The following AGBL1 variants were observed in gnomAD, a reference collection of about 807,000 sequenced individuals.
The protein encoded by AGBL1 is AGBL carboxypeptidase 1.
A neutral mutation model predicts 118.9 loss-of-function variants in AGBL1; 130 were observed. The ratio of observed to expected loss-of-function variants is 1.09; its 90% confidence interval spans 0.95 to 1.26. The LOEUF (loss-of-function observed/expected upper bound fraction) is 1.26. AGBL1 is among the 50% of genes most tolerant of loss of function. The probability of loss-of-function intolerance (pLI) is 0.00; values close to 1 mark genes in which losing one functional copy is unlikely to be tolerated. For synonymous variants in AGBL1, 555 were observed against 478.9 expected, an observed-to-expected ratio of 1.16 and a Z score of -2.08; for missense variants, 1,584 against 1,298.1, an observed-to-expected ratio of 1.22 and a Z score of -3.38.
chr15:86,273,583 C>T (rs1051107836), intron 15 of AGBL1, among the ~76,000 whole-genome samples: 2 of 152,158 alleles, frequency 1.3e-5, no homozygotes, highest in African/African-American at 2.4e-5. Flanking sequence ...TATCTCTCTC[C>T]CTATTTACCT....
chr15:87,007,207 T>G (rs2141773165), intron 24 of AGBL1, among the ~76,000 whole-genome samples: 2 of 152,250 alleles, frequency 1.3e-5, no homozygotes, highest in Middle Eastern at 6.8e-3. Flanking sequence ...AAAGAAATGT[T>G]TTGCATCAAG....
rs189211855 is a variant in AGBL1 at position 86,913,543 on chromosome 15, A to G, written c.*6249A>G. On this transcript the variant is annotated 3_prime_UTR_variant, in exon 23 of 23. Coordinates refer to ENST00000614907, the MANE Select transcript of AGBL1 (RefSeq NM_001386094.1). ...CATTTAGTTCTTATGACAAGTAGTT[A>G]AACAGAGGAGAGCACTGACTGTTTA... 2 of 152,360 alleles carry G rather than the reference A, an allele frequency of 1.3e-5. No homozygotes were observed. The highest frequency in any genetic ancestry group is 4.8e-5 in the African/African-American group (2 of 41,570). The allele number at this position is 152,360 out of a possible 1,614,324, so 9.4% of individuals were successfully genotyped here.
chr15:86,958,572 CAATT>C (rs1370452779), intron 23 of AGBL1, among the ~76,000 whole-genome samples: 10 of 152,040 alleles, frequency 6.6e-5, no homozygotes, highest in African/African-American at 1.4e-4. Flanking sequence ...TTATAGAAAA[CAATT>C]AATGAAATAG....
intron 22 of AGBL1, among the ~76,000 whole-genome samples, chr15:86,857,602 G>A (rs983630465): frequency 5.9e-5 from 9 of 152,080 alleles, no homozygotes; most frequent in South Asian, 2.1e-4. Context: ...GGCCTTCCCC[G>A]ACCCTTCTGA....
chr15:87,010,450 C>T (rs924799411), intron 24 of AGBL1, among the ~76,000 whole-genome samples: 2 of 152,146 alleles, frequency 1.3e-5, no homozygotes, highest in Admixed American at 6.5e-5. Flanking sequence ...TAATACACCA[C>T]CCAACATGGA....
chr15:86,693,906 A>C (rs1311226270), intron 22 of AGBL1, among the ~76,000 whole-genome samples: 1 of 151,890 alleles, frequency 6.6e-6, no homozygotes, highest in Admixed American at 6.6e-5. Flanking sequence ...GTTTGCTGTA[A>C]GTATTTGGGC....
At chr15:86,391,640 GTTTTTTT>G (rs751427467) in intron 17 of AGBL1, among the ~76,000 whole-genome samples, 3 of 73,784 alleles carry the variant, frequency 4.1e-5, no homozygotes, top group Non-Finnish European at 7.0e-5. Flanking sequence ...GTTGTTGTTG[GTTTTTTT>G]TTTTTTTTTT....
At chr15:86,940,613 A>C (rs2080738343) in intron 23 of AGBL1, among the ~76,000 whole-genome samples, 1 of 152,176 alleles carries the variant, frequency 6.6e-6, no homozygotes, top group Non-Finnish European at 1.5e-5. Context: ...ACCAAACTAA[A>C]AGTCAAAATG....
intron 19 of AGBL1, among the ~76,000 whole-genome samples, chr15:86,537,217 C>A (rs1360074514): frequency 6.6e-6 from 1 of 152,166 alleles, no homozygotes; most frequent in Non-Finnish European, 1.5e-5. Context: ...AATATAGAAG[C>A]CTTGTTATAG....
intron 17 of AGBL1, among the ~76,000 whole-genome samples, chr15:86,366,035 T>C (rs1341381194): frequency 6.6e-6 from 1 of 152,218 alleles, no homozygotes; most frequent in Non-Finnish European, 1.5e-5. Context: ...CTGATATTCC[T>C]TTAGCCCTTT....
chr15:87,004,356 A>G (rs941559371), intron 24 of AGBL1, among the ~76,000 whole-genome samples: 2 of 152,148 alleles, frequency 1.3e-5, no homozygotes, highest in African/African-American at 4.8e-5. Flanking sequence ...GACTTTCTTT[A>G]TGAATCTGCG....
At chr15:86,817,556 G>A (rs1452733851) in intron 22 of AGBL1, among the ~76,000 whole-genome samples, 2 of 95,254 alleles carry the variant, frequency 2.1e-5, no homozygotes, top group African/African-American at 4.1e-5. Flanking sequence ...GACACACAGA[G>A]GAGAGAGAGA....
intron 17 of AGBL1, among the ~76,000 whole-genome samples, chr15:86,360,016 T>C (rs951169779): frequency 6.6e-6 from 1 of 152,016 alleles, no homozygotes; most frequent in African/African-American, 2.4e-5. Context: ...CTGATTTGGA[T>C]GTGATTTATT....
At chr15:87,013,160 G>A (rs1278083011) in intron 24 of AGBL1, among the ~76,000 whole-genome samples, 1 of 152,120 alleles carries the variant, frequency 6.6e-6, no homozygotes, top group East Asian at 1.9e-4. Context: ...GAAATTAAAT[G>A]TTACTTCTTC....
intron 24 of AGBL1, among the ~76,000 whole-genome samples, chr15:87,019,236 C>T (rs1370142147): frequency 2.0e-5 from 3 of 152,022 alleles, no homozygotes; most frequent in Non-Finnish European, 4.4e-5. Context: ...AGCAAAGATA[C>T]TCAGAACCTG....
intron 22 of AGBL1, among the ~76,000 whole-genome samples, chr15:86,722,633 C>T (rs192881832): frequency 7.1e-4 from 108 of 152,212 alleles, no homozygotes; most frequent in Non-Finnish European, 1.3e-3. Flanking sequence ...AAAGCAATGG[C>T]AACAAAAGCC....
intron 21 of AGBL1, among the ~76,000 whole-genome samples, chr15:86,662,213 C>A (rs888188628): frequency 2.0e-5 from 3 of 152,206 alleles, no homozygotes; most frequent in Non-Finnish European, 2.9e-5. Context: ...GTGATCTGTG[C>A]ATATTCTGCT....
chr15:86,636,702 CATATATATATAT>C (rs1157674222), intron 21 of AGBL1, among the ~76,000 whole-genome samples: 668 of 26,724 alleles, frequency 0.025, 25 homozygotes, highest in Non-Finnish European at 0.042. Context: ...AACCACCAGT[CATATATATATAT>C]ATATATATAT....
At chr15:86,574,679 G>A (rs552739860) in intron 21 of AGBL1, among the ~76,000 whole-genome samples, 1 of 140,872 alleles carries the variant, frequency 7.1e-6, no homozygotes, top group African/African-American at 2.6e-5. Flanking sequence ...CCAGGTTCAA[G>A]CGATTCTTCT....
Sources: allele counts gnomAD v4.1 joint callset (sites outside exome capture counted in the v4.1 genomes callset), GRCh38; gene constraint gnomAD v4.1.1; transcripts MANE v1.5; gene names NCBI Gene and HGNC (gene_info 2026-07-23, HGNC 2026-07-21).